FAM193A: variants seen among roughly 807,000 people sequenced by gnomAD.
The protein encoded by FAM193A is protein FAM193A.
FAM193A carries 22 observed loss-of-function variants against 126.5 expected under a neutral mutation model. The observed-to-expected ratio is 0.17, with a 90% confidence interval of 0.12 to 0.25. The LOEUF is 0.25. Ranked by LOEUF, FAM193A falls within the 10% of genes least tolerant of loss-of-function variation. The probability of loss-of-function intolerance (pLI) is 1.00; values close to 1 mark genes in which losing one functional copy is unlikely to be tolerated. For missense variants in FAM193A, 1,675 were observed against 1,672.8 expected (o/e 1.00, Z -0.02); for synonymous variants, 761 against 646.8 (o/e 1.18, Z -2.68).
At chr4:2,638,446 C>A (rs989349731) in intron 5 of FAM193A, among the ~76,000 whole-genome samples, 4 of 152,150 alleles carry the variant, frequency 2.6e-5, no homozygotes, top group African/African-American at 9.7e-5. Flanking sequence ...ACCGAGTGTG[C>A]TTGCTCTGAG....
intron 12 of FAM193A, among the ~76,000 whole-genome samples, chr4:2,667,863 G>A (rs926663734): frequency 6.6e-6 from 1 of 151,866 alleles, no homozygotes; most frequent in African/African-American, 2.4e-5. Flanking sequence ...TGTGAATGTC[G>A]TTATAAAAAA....
At chr4:2,707,714 T>TA (rs1305242305) in intron 19 of FAM193A, among the ~76,000 whole-genome samples, 1 of 74,022 alleles carries the variant, frequency 1.4e-5, no homozygotes, top group East Asian at 3.7e-4. Context: ...ATATTTCTTA[T>TA]TTTTTTTTTT....
chr4:2,582,350 A>G (rs543779257), intron 1 of FAM193A, among the ~76,000 whole-genome samples: 3 of 152,190 alleles, frequency 2.0e-5, no homozygotes, highest in Admixed American at 1.3e-4. Flanking sequence ...TATGTTGCCC[A>G]GGCTACTCCT....
intron 13 of FAM193A, among the ~76,000 whole-genome samples, chr4:2,677,359 T>C (rs975799906): frequency 1.3e-5 from 2 of 152,210 alleles, no homozygotes; most frequent in Non-Finnish European, 2.9e-5. Flanking sequence ...CAGTAAGTTT[T>C]GAAATCAGGA....
At chr4:2,678,984 C>T (rs1714776991) in intron 13 of FAM193A, among the ~76,000 whole-genome samples, 1 of 152,200 alleles carries the variant, frequency 6.6e-6, no homozygotes, top group Admixed American at 6.5e-5. Context: ...TGAAAGCAGG[C>T]ATCCTTGCCT....
chr4:2,548,111 C>A (rs1206798904), intron 1 of FAM193A, among the ~76,000 whole-genome samples: 1 of 142,322 alleles, frequency 7.0e-6, no homozygotes, highest in Non-Finnish European at 1.5e-5. Context: ...TTGCTCTTGT[C>A]CCCAGGCTGG....
chr4:2,579,723 GAAA>G (rs79074613), intron 1 of FAM193A, among the ~76,000 whole-genome samples: 36,194 of 151,582 alleles, frequency 0.24, 4,438 homozygotes, highest in East Asian at 0.32. Context: ...AAAAAACAGT[GAAA>G]ACATTGATTT....
At chr4:2,592,583 C>T (rs749415986) in intron 1 of FAM193A, among the ~76,000 whole-genome samples, 4 of 152,140 alleles carry the variant, frequency 2.6e-5, no homozygotes, top group Admixed American at 2.0e-4. Flanking sequence ...AGAATAACCG[C>T]GGCAAGCTCC....
intron 2 of FAM193A, among the ~76,000 whole-genome samples, chr4:2,603,673 A>G (rs1381364758): frequency 2.7e-5 from 4 of 150,572 alleles, no homozygotes; most frequent in Non-Finnish European, 5.9e-5. Flanking sequence ...GTTAGCCAGG[A>G]TGGCCTCGAT....
intron 2 of FAM193A, among the ~76,000 whole-genome samples, chr4:2,622,547 G>A (rs530454051): frequency 3.9e-4 from 60 of 152,256 alleles, no homozygotes; most frequent in African/African-American, 1.3e-3. Flanking sequence ...TGTTGGTGGC[G>A]GGGGTGCTGC....
chr4:2,695,108 C>G lies in FAM193A; in HGVS notation c.3255C>G (p.Cys1085Trp). The part of the protein sequence containing the change: ...KEGKYCDCCY[C>W]EFFGHGGPPA... Reference sequence around the variant, plus strand: ...GCAAGTACTGCGACTGCTGCTACTGCGAATTCTTTGGGCACGGCGGGGTGA... The same window carrying G: ...GCAAGTACTGCGACTGCTGCTACTGGGAATTCTTTGGGCACGGCGGGGTGA... The change falls in exon 17 of 21, where the codon TGC becomes TGG. Residue 1085 changes from cysteine (C) to tryptophan (W), a missense_variant. Coordinates refer to ENST00000637812, the MANE Select transcript of FAM193A (RefSeq NM_001366318.2). The G allele has an allele frequency of 6.2e-7, 1 of 1,600,990 alleles. No individual in the cohort carries two copies. The highest frequency in any genetic ancestry group is 2.3e-5 in the East Asian group (1 of 44,290).
chr4:2,637,708 A>G (rs1417399758), intron 5 of FAM193A, among the ~76,000 whole-genome samples: 1 of 152,158 alleles, frequency 6.6e-6, no homozygotes, highest in Non-Finnish European at 1.5e-5. Context: ...CCACCCCTGC[A>G]TGCCCCGGTC....
At chr4:2,713,890 A>G (rs1377020933) in intron 19 of FAM193A, among the ~76,000 whole-genome samples, 1 of 152,174 alleles carries the variant, frequency 6.6e-6, no homozygotes, top group Non-Finnish European at 1.5e-5. Context: ...CCTTGGATCA[A>G]CTGATTTCTC....
chr4:2,580,961 C>G (rs1404675950), intron 1 of FAM193A, among the ~76,000 whole-genome samples: 1 of 152,104 alleles, frequency 6.6e-6, no homozygotes, highest in Non-Finnish European at 1.5e-5. Context: ...AACCCCGTCT[C>G]TACTAAAAAT....
At chr4:2,604,682 AT>A (rs35061612) in intron 2 of FAM193A, among the ~76,000 whole-genome samples, 10,579 of 148,326 alleles carry the variant, frequency 0.071, 643 homozygotes, top group African/African-American at 0.17. Flanking sequence ...CATCCTTTTA[AT>A]TTTGATTTCT....
At chr4:2,696,699 C>G in intron 18 of FAM193A, 106 bp downstream of exon 18, 2 of 797,342 alleles carry the variant, frequency 2.5e-6, no homozygotes, top group Non-Finnish European at 4.1e-6. Flanking sequence ...GGTCGGGGCT[C>G]TGACGTGTGT....
intron 1 of FAM193A, among the ~76,000 whole-genome samples, chr4:2,544,995 C>T (rs866646804): frequency 6.6e-6 from 1 of 151,218 alleles, no homozygotes; most frequent in Admixed American, 6.6e-5. Context: ...GAATTTCTTT[C>T]TTTCTTTTTT....
At chr4:2,543,565 C>T (rs550277851) in intron 1 of FAM193A, among the ~76,000 whole-genome samples, 14 of 152,012 alleles carry the variant, frequency 9.2e-5, no homozygotes, top group African/African-American at 3.4e-4. Flanking sequence ...TAAAAATTAG[C>T]CACCATAGGG....
At chr4:2,537,752 G>C (rs1736976323) in intron 1 of FAM193A, among the ~76,000 whole-genome samples, 1 of 152,154 alleles carries the variant, frequency 6.6e-6, no homozygotes, top group Non-Finnish European at 1.5e-5. Context: ...GTGGTTATTT[G>C]AAATCTACCT....
Sources: allele counts gnomAD v4.1 joint callset (sites outside exome capture counted in the v4.1 genomes callset), GRCh38; gene constraint gnomAD v4.1.1; transcripts MANE v1.5; gene names NCBI Gene and HGNC (gene_info 2026-07-23, HGNC 2026-07-21).